The following ACYP2 variants were observed in gnomAD, a reference collection of about 807,000 sequenced individuals.
ACYP2 encodes acylphosphatase-2.
A neutral mutation model predicts 11.2 loss-of-function variants in ACYP2; 12 were observed. The ratio of observed to expected loss-of-function variants is 1.08; its 90% confidence interval spans 0.69 to 1.74. The LOEUF (loss-of-function observed/expected upper bound fraction) is 1.74, where lower values mean the gene tolerates loss of function less well. ACYP2 is among the 40% of genes most tolerant of loss of function. ACYP2 has a pLI of 0.00. For synonymous variants in ACYP2, 43 were observed against 32.2 expected, an observed-to-expected ratio of 1.33 and a Z score of -1.13; for missense variants, 134 against 101.9, an observed-to-expected ratio of 1.31 and a Z score of -1.35.
chr2:54,288,005 G>A (rs1359113797), intron 6 of ACYP2, among the ~76,000 whole-genome samples: 1 of 151,836 alleles, frequency 6.6e-6, no homozygotes, highest in Admixed American at 6.6e-5. Context: ...CATTCCCTTT[G>A]GGTTAATTCC....
intron 4 of ACYP2, among the ~76,000 whole-genome samples, chr2:54,123,900 T>A (rs1241336118): frequency 3.9e-5 from 6 of 152,172 alleles, no homozygotes; most frequent in African/African-American, 1.4e-4. Context: ...ATCCCCACTA[T>A]AAGGAAGTCT....
At chr2:54,261,015 G>A (rs930115077) in intron 6 of ACYP2, among the ~76,000 whole-genome samples, 8 of 152,082 alleles carry the variant, frequency 5.3e-5, no homozygotes, top group South Asian at 2.1e-4. Flanking sequence ...ACTACCTTTC[G>A]ATAAAATCAG....
At chr2:53,977,570 T>G (rs1433946662) in intron 2 of ACYP2, among the ~76,000 whole-genome samples, 1 of 151,670 alleles carries the variant, frequency 6.6e-6, no homozygotes, top group African/African-American at 2.4e-5. Context: ...CCATGTCTAC[T>G]AAAAATACAA....
Position 54,304,953 on chromosome 2 carries a change from T to G in ACYP2, c.*151T>G, listed in dbSNP as rs906358342. 2 of 424,090 alleles carry G rather than the reference T, an allele frequency of 4.7e-6. No homozygotes were observed. Among genetic ancestry groups the G allele is most frequent in the Admixed American group, 8.0e-5 (2 of 25,142 alleles). The allele number at this position is 424,090 out of a possible 1,614,324, so 26.3% of individuals were successfully genotyped here. On this transcript the variant is annotated 3_prime_UTR_variant, in exon 7 of 7. Transcript: ENST00000607452. ...ACGTGCTACTAAAAATGTCTGACAC[T>G]GAAATAATTTTACTCAACTATGTTT...
intron 2 of ACYP2, among the ~76,000 whole-genome samples, chr2:54,031,095 G>A (rs1194564707): frequency 6.6e-6 from 1 of 152,144 alleles, no homozygotes; most frequent in Non-Finnish European, 1.5e-5. Context: ...ATTGGTGTCA[G>A]GGAAGGCTTC....
chr2:54,201,794 C>T (rs1428749032), intron 6 of ACYP2, among the ~76,000 whole-genome samples: 1 of 151,410 alleles, frequency 6.6e-6, no homozygotes. Flanking sequence ...CCGCAACCTC[C>T]ACCTTCCAGG....
At chr2:54,159,764 A>G (rs6545389) in intron 6 of ACYP2, among the ~76,000 whole-genome samples, 98,803 of 151,868 alleles carry the variant, frequency 0.65, 34,133 homozygotes, top group East Asian at 0.92. Context: ...GCCTTGGGGA[A>G]CAGGACAGGC....
At chr2:53,986,028 C>T (rs1007814368) in intron 2 of ACYP2, among the ~76,000 whole-genome samples, 14 of 152,030 alleles carry the variant, frequency 9.2e-5, no homozygotes, top group African/African-American at 3.1e-4. Flanking sequence ...CCCAGCTCCT[C>T]GCAAGGCTGA....
intron 6 of ACYP2, among the ~76,000 whole-genome samples, chr2:54,143,591 T>A (rs1681722197): frequency 6.6e-6 from 1 of 151,876 alleles, no homozygotes; most frequent in East Asian, 1.9e-4. Context: ...ATGCCACCAC[T>A]CCCAGCTAAT....
chr2:54,138,773 T>G (rs1310955230), intron 6 of ACYP2, 25 bp downstream of exon 3: 2 of 1,574,110 alleles, frequency 1.3e-6, no homozygotes, highest in East Asian at 4.5e-5. Flanking sequence ...TAATAACATG[T>G]ACATGAAATT....
intron 6 of ACYP2, among the ~76,000 whole-genome samples, chr2:54,288,917 C>G (rs1417092518): frequency 1.3e-5 from 2 of 151,982 alleles, no homozygotes; most frequent in African/African-American, 4.8e-5. Flanking sequence ...CACAGCAGGA[C>G]CCACCTACTG....
intron 2 of ACYP2, among the ~76,000 whole-genome samples, chr2:53,993,935 C>T (rs1432332801): frequency 6.6e-6 from 1 of 152,068 alleles, no homozygotes; most frequent in Non-Finnish European, 1.5e-5. Flanking sequence ...CCTGTAATCC[C>T]AGCGCTTTGG....
chr2:54,190,843 TTAA>T (rs1281321058), intron 6 of ACYP2, among the ~76,000 whole-genome samples: 1 of 152,146 alleles, frequency 6.6e-6, no homozygotes, highest in East Asian at 1.9e-4. Flanking sequence ...AACCAAAGTC[TTAA>T]TTTTCTCCCC....
At chr2:54,205,275 C>T (rs1480839622) in intron 6 of ACYP2, among the ~76,000 whole-genome samples, 1 of 152,158 alleles carries the variant, frequency 6.6e-6, no homozygotes, top group African/African-American at 2.4e-5. Context: ...AATTCTGAGA[C>T]AGCATCTGGG....
rs79730332 is a variant in ACYP2, at chr2:54,086,290, A to G, written c.277+28930A>G. Among the ~76,000 whole-genome samples, 400 of 152,226 alleles carry G rather than the reference A, an allele frequency of 2.6e-3. 3 individuals are homozygous for G. Among genetic ancestry groups the G allele is most frequent in the African/African-American group, 9.0e-3 (373 of 41,542 alleles). On this transcript the variant is annotated intron_variant, in intron 4 of 6. Transcript: ENST00000607452. ...GCAGAACTGGAAGGCTAACACTCAT[A>G]AAGACCTCTGCACTAGACATGTGGT...
chr2:53,998,056 G>T (rs1486058405), intron 2 of ACYP2, among the ~76,000 whole-genome samples: 1 of 152,162 alleles, frequency 6.6e-6, no homozygotes, highest in Non-Finnish European at 1.5e-5. Flanking sequence ...TCTAGGAATA[G>T]GATCTGTCTC....
intron 4 of ACYP2, chr2:54,115,731 C>G (rs1273471035): frequency 6.2e-7 from 1 of 1,612,930 alleles, no homozygotes; most frequent in African/African-American, 1.3e-5. Flanking sequence ...AATCCGTGGA[C>G]TACGAGGTGT....
rs180938749 is a variant in ACYP2, at chr2:54,154,605, G to A, written c.404+15857G>A. Among the ~76,000 whole-genome samples, 444 of 152,236 alleles carry A rather than the reference G, an allele frequency of 2.9e-3. 2 individuals carry two copies. Among genetic ancestry groups the A allele is most frequent in the South Asian group, 9.3e-3 (45 of 4,824 alleles). On this transcript the variant is annotated intron_variant, in intron 6 of 6. Transcript: ENST00000607452. ...GATTTGCATGTGTTGAATCATCTTT[G>A]TATCCCTGGGATAAATTCCACTTGA...
intron 2 of ACYP2, among the ~76,000 whole-genome samples, chr2:54,010,988 G>T (rs1001868933): frequency 6.6e-6 from 1 of 151,936 alleles, no homozygotes; most frequent in African/African-American, 2.4e-5. Context: ...ACTTTGGACT[G>T]CACATGCCTC....
Sources: allele counts gnomAD v4.1 joint callset (sites outside exome capture counted in the v4.1 genomes callset), GRCh38; gene constraint gnomAD v4.1.1; transcripts MANE v1.5; gene names NCBI Gene and HGNC (gene_info 2026-07-23, HGNC 2026-07-21).